Variants in LRRC55 observed in about 807,000 individuals in gnomAD.
LRRC55 encodes leucine rich repeat containing 55.
In LRRC55, 11 loss-of-function variants were observed where a neutral mutation model predicts 20.5. The ratio of observed to expected loss-of-function variants is 0.54; its 90% CI spans 0.34 to 0.89. The LOEUF (loss-of-function observed/expected upper bound fraction) is 0.89. Among genes scored for constraint, LRRC55 ranks in the 40% least tolerant of loss-of-function variants. The pLI is 0.02. For missense variants in LRRC55, 358 were observed against 390.9 expected (o/e 0.92, Z 0.71); for synonymous variants, 188 against 166.6 (o/e 1.13, Z -0.99).
In LRRC55 at chr11:57,187,363, C is replaced by T. The variant is rs1854446215; in HGVS notation, c.780C>T (p.Phe260=). The T allele has an allele frequency of 6.2e-7, 1 of 1,614,208 alleles. No individual in the cohort carries two copies. The highest frequency in any genetic ancestry group is 8.5e-7 in the Non-Finnish European group (1 of 1,180,036). Residue 260 remains phenylalanine, a synonymous_variant, in exon 2 of 2, where the codon TTC becomes TTT. Transcript: ENST00000497933. ...HLTLTLDDYL[F]IAFVGFVVSI... ...CCCTGACCCTGGATGATTACCTATT[C>T]ATTGCGTTCGTGGGCTTCGTGGTCT...
rs771722879 is a variant in LRRC55, at chr11:57,187,242, C to T, written c.662-3C>T. On this transcript the variant is annotated splice_region_variant and splice_polypyrimidine_tract_variant and intron_variant, in intron 1 of 1. Coordinates refer to ENST00000497933, the MANE Select transcript of LRRC55 (RefSeq NM_001005210.4). ...CTCACCCTCCCTGGCTTCTGTGTTA[C>T]AGATTCTCAGCTGGCTGAGTGCCGG... 37 of 1,612,850 alleles carry T rather than the reference C, an allele frequency of 2.3e-5. No homozygotes were observed. The Middle Eastern group carries it at 8.2e-4, about 36-fold the overall frequency.
intron 1 of LRRC55, among the ~76,000 whole-genome samples, chr11:57,184,884 C>G (rs1168967069): frequency 1.3e-5 from 2 of 152,174 alleles, no homozygotes; most frequent in Admixed American, 1.3e-4. Context: ...ACTGTCTCAC[C>G]AGTACCCACT....
Position 57,182,353 on chromosome 11 carries a change from C to T in LRRC55, c.331C>T (p.His111Tyr). The T allele has an allele frequency of 6.2e-7, 1 of 1,613,792 alleles. No homozygotes were observed. The change falls in exon 1 of 2, where the codon CAT becomes TAT. Residue 111 changes from histidine (H) to tyrosine (Y), a missense_variant. Physicochemically the swap from His to Tyr is moderately conservative, Grantham distance 83. Transcript: ENST00000497933. ...LMELPRGLFLHAKRLAHLDLS... is the reference protein window; with the variant it reads ...LMELPRGLFLYAKRLAHLDLS... ...GGAGCTGCCCCGGGGCCTCTTCCTCCATGCCAAGCGCTTGGCACACTTGGA... is the reference window on the plus strand; with the variant it reads ...GGAGCTGCCCCGGGGCCTCTTCCTCTATGCCAAGCGCTTGGCACACTTGGA...
rs1007129083 is a variant in LRRC55, at chr11:57,189,152, C to T, written c.*1672C>T. The T allele has an allele frequency of 6.6e-6, 1 of 152,214 alleles. No homozygotes were observed. Among genetic ancestry groups the T allele is most frequent in the Non-Finnish European group, 1.5e-5 (1 of 68,050 alleles). The allele number at this position is 152,214 out of a possible 1,614,324, so 9.4% of individuals were successfully genotyped here. On this transcript the variant is annotated 3_prime_UTR_variant, in exon 2 of 2. Coordinates refer to ENST00000497933, the MANE Select transcript of LRRC55 (RefSeq NM_001005210.4). ...TCATTCTCCTTGACTTTTCACATCC[C>T]TGTGCAGGAGGTAAATCAAACATCA...
intron 1 of LRRC55, among the ~76,000 whole-genome samples, chr11:57,183,250 G>C (rs1159726512): frequency 1.3e-5 from 2 of 152,184 alleles, no homozygotes; most frequent in Non-Finnish European, 2.9e-5. Context: ...CATTCCAAGT[G>C]TTGGAAACTC....
chr11:57,185,705 G>T (rs1854423659), intron 1 of LRRC55, among the ~76,000 whole-genome samples: 1 of 152,088 alleles, frequency 6.6e-6, no homozygotes, highest in Non-Finnish European at 1.5e-5. Context: ...CTAAACAAAG[G>T]AATGATTGGC....
At chr11:57,184,283 C>T (rs1854401127) in intron 1 of LRRC55, among the ~76,000 whole-genome samples, 2 of 152,202 alleles carry the variant, frequency 1.3e-5, no homozygotes, top group Non-Finnish European at 2.9e-5. Flanking sequence ...ACCCAAAGCA[C>T]TAAGCTTACA....
Position 57,189,718 on chromosome 11 carries a change from G to A in LRRC55, c.*2238G>A, listed in dbSNP as rs957651945. 5.3e-5 allele frequency: 8 copies of A among 152,224 alleles called. No homozygotes were observed. Among genetic ancestry groups the A allele is most frequent in the Admixed American group, 2.6e-4 (4 of 15,282 alleles). 9.4% of individuals were successfully genotyped at this position (152,224 alleles called of 1,614,324 possible). A position where few individuals can be genotyped will look rare whatever the true frequency, so the allele number is the denominator to read the frequency against. ...ACATGCTGATAAGTCTGGCCAGGAG[G>A]AGAATTAAAACAGGGGCTTTCCACA... On this transcript the variant is annotated 3_prime_UTR_variant, in exon 2 of 2. Transcript: ENST00000497933.
Position 57,187,348 on chromosome 11 carries a change from G to C in LRRC55, c.765G>C (p.Leu255=). Residue 255 remains leucine (L), a synonymous_variant, in exon 2 of 2, where the codon CTG becomes CTC. Coordinates refer to ENST00000497933, the MANE Select transcript of LRRC55 (RefSeq NM_001005210.4). ...SFKACHLTLT[L]DDYLFIAFVG... is the part of the protein sequence containing the mutation. ...AGGCCTGCCACCTGACCCTGACCCTGGATGATTACCTATTCATTGCGTTCG... is the reference window on the plus strand; with the variant it reads ...AGGCCTGCCACCTGACCCTGACCCTCGATGATTACCTATTCATTGCGTTCG... 1 of 1,614,176 alleles carries C rather than the reference G, an allele frequency of 6.2e-7. No homozygotes were observed. The highest frequency in any genetic ancestry group is 8.5e-7 in the Non-Finnish European group (1 of 1,180,030).
Position 57,182,692 on chromosome 11 carries a change from G to A in LRRC55, c.661+9G>A, listed in dbSNP as rs773824975. The A allele has an allele frequency of 4.8e-6, 7 of 1,467,078 alleles. 1 individual carries two copies. The South Asian group carries it at 6.5e-5, about 14-fold the overall frequency. 90.9% of individuals were successfully genotyped at this position (1,467,078 alleles called of 1,614,324 possible). A position where few individuals can be genotyped will look rare whatever the true frequency, so the allele number is the denominator to read the frequency against. The stretch of plus-strand genomic sequence containing the variant: ...CCAGCGCTGTACAGCAGGTAATAGA[G>A]GGGCAGAACGGGGCAGTCAACAGGG... On this transcript the variant is annotated intron_variant, in intron 1 of 1. Coordinates refer to ENST00000497933, the MANE Select transcript of LRRC55 (RefSeq NM_001005210.4).
Position 57,182,297 on chromosome 11 carries a change from A to G in LRRC55, c.275A>G (p.Gln92Arg), listed in dbSNP as rs1307463735. ...TACCTCACATGCTACATGGAGCTCCAGGTGCTGGATTTGCACAACAACTCC... is the reference window on the plus strand; with the variant it reads ...TACCTCACATGCTACATGGAGCTCCGGGTGCTGGATTTGCACAACAACTCC... Reference protein sequence around the residue: ...PGYLTCYMELQVLDLHNNSLM... With the variant: ...PGYLTCYMELRVLDLHNNSLM... Residue 92 changes from glutamine (Q) to arginine (R), a missense_variant, in exon 1 of 2, where the codon CAG becomes CGG. Transcript: ENST00000497933. 3 of 1,614,000 alleles carry G rather than the reference A, an allele frequency of 1.9e-6. No individual in the cohort carries two copies. The highest frequency in any genetic ancestry group is 2.5e-6 in the Non-Finnish European group (3 of 1,179,958).
In LRRC55 at chr11:57,188,558, C is replaced by A. The variant is rs1044757332; in HGVS notation, c.*1078C>A. ...GTCAGGTACTTTGAAAAGCTCTCTG[C>A]ACAAACCATTCCCTTTGACACACAC... On this transcript the variant is annotated 3_prime_UTR_variant, in exon 2 of 2. Transcript: ENST00000497933. 2.0e-5 allele frequency: 3 copies of A among 152,238 alleles called. No homozygotes were observed. Among genetic ancestry groups the A allele is most frequent in the Admixed American group, 1.3e-4 (2 of 15,284 alleles). 9.4% of individuals were successfully genotyped at this position (152,238 alleles called of 1,614,324 possible).
At chr11:57,182,767 T>C (rs1854379888) in intron 1 of LRRC55, 84 bp downstream of exon 1, 2 of 1,356,242 alleles carry the variant, frequency 1.5e-6, no homozygotes, top group Non-Finnish European at 1.9e-6. Context: ...CGGGGGAACT[T>C]AGAGCCAGAA....
In LRRC55 at chr11:57,189,106, T is replaced by G. The variant is rs1240914080; in HGVS notation, c.*1626T>G. ...TTCCCTCTATTTGTTCAGCACCGGA[T>G]AGTTCATGAGTATTTTTGCATCATT... On this transcript the variant is annotated 3_prime_UTR_variant, in exon 2 of 2. Coordinates refer to ENST00000497933, the MANE Select transcript of LRRC55 (RefSeq NM_001005210.4). 2 of 152,242 alleles carry G rather than the reference T, an allele frequency of 1.3e-5. No homozygotes were observed. Among genetic ancestry groups the G allele is most frequent in the African/African-American group, 4.8e-5 (2 of 41,470 alleles). The allele number at this position is 152,242 out of a possible 1,614,324, so 9.4% of individuals were successfully genotyped here.
rs948851 is a variant in LRRC55 at position 57,187,617 on chromosome 11, T to G, written c.*137T>G. 8 of 807,134 alleles carry G rather than the reference T, an allele frequency of 9.9e-6. No individual in the cohort carries two copies. The highest frequency in any genetic ancestry group is 1.6e-5 in the Non-Finnish European group (8 of 495,576). The allele number at this position is 807,134 out of a possible 1,614,324, so 50.0% of individuals were successfully genotyped here. The stretch of plus-strand genomic sequence containing the variant: ...GTTCAAGCAAGGTGGGGACACTCAT[T>G]TTGTATGAGCATCTGCTTTGGGCCA... On this transcript the variant is annotated 3_prime_UTR_variant, in exon 2 of 2. Coordinates refer to ENST00000497933, the MANE Select transcript of LRRC55 (RefSeq NM_001005210.4).
chr11:57,183,230 G>A (rs549074478), intron 1 of LRRC55, among the ~76,000 whole-genome samples: 1 of 152,324 alleles, frequency 6.6e-6, no homozygotes, highest in Admixed American at 6.5e-5. Context: ...CTACCAGAAT[G>A]CTTTTTTAGC....
rs202161364 is a variant in LRRC55 at position 57,187,265 on chromosome 11, C to T, written c.682C>T (p.Arg228Trp). ...TACAGATTCTCAGCTGGCTGAGTGCCGGGGCCCTCCTGAAGTCGAGGGCGC... is the reference window on the plus strand; with the variant it reads ...TACAGATTCTCAGCTGGCTGAGTGCTGGGGCCCTCCTGAAGTCGAGGGCGC... The part of the protein sequence containing the change: ...CTADSQLAEC[R>W]GPPEVEGAPL... The change falls in exon 2 of 2, where the codon CGG (arginine) becomes TGG (tryptophan). Residue 228 changes from arginine (R) to tryptophan (W), a missense_variant. By Grantham distance (101) the Arg-to-Trp change is moderately radical. Coordinates refer to ENST00000497933, the MANE Select transcript of LRRC55 (RefSeq NM_001005210.4). The T allele has an allele frequency of 8.7e-6, 14 of 1,613,838 alleles. No individual in the cohort carries two copies. The highest frequency in any genetic ancestry group is 5.0e-5 in the Admixed American group (3 of 60,028).
chr11:57,185,949 G>GA (rs1183856506), intron 1 of LRRC55, among the ~76,000 whole-genome samples: 1 of 151,310 alleles, frequency 6.6e-6, no homozygotes. Flanking sequence ...GCCTCTCTAG[G>GA]AAAAACAACC....
rs1447888418 is a variant in LRRC55 at position 57,187,176 on chromosome 11, T to C, written c.662-69T>C. 9.5e-6 allele frequency: 13 copies of C among 1,371,408 alleles called. 1 individual carries two copies. The Middle Eastern group carries it at 8.9e-4, about 94-fold the overall frequency. 85.0% of individuals were successfully genotyped at this position (1,371,408 alleles called of 1,614,324 possible). A position where few individuals can be genotyped will look rare whatever the true frequency, so the allele number is the denominator to read the frequency against. ...CTTTCTTACTTTTTCCAGCAAGCGG[T>C]TGTGGGTGGACTTTCCAATCCCCTC... On this transcript the variant is annotated intron_variant, in intron 1 of 1. Transcript: ENST00000497933.
Sources: allele counts gnomAD v4.1 joint callset (sites outside exome capture counted in the v4.1 genomes callset), GRCh38; gene constraint gnomAD v4.1.1; transcripts MANE v1.5; gene names NCBI Gene and HGNC (gene_info 2026-07-23, HGNC 2026-07-21).